The following CR1L variants were observed in gnomAD, a reference collection of about 807,000 sequenced individuals.
The protein encoded by CR1L is complement C3b/C4b receptor 1 like.
A neutral mutation model predicts 62.3 loss-of-function variants in CR1L; 59 were observed. That is an observed-to-expected ratio of 0.95 (90% CI 0.77 to 1.18). The LOEUF (loss-of-function observed/expected upper bound fraction) is 1.18, where lower values mean the gene tolerates loss of function less well. CR1L is among the 50% of genes most tolerant of loss of function. The pLI is 0.00. For synonymous variants in CR1L, 279 were observed against 248.7 expected (o/e 1.12, Z -1.15); for missense variants, 700 against 702.8 (o/e 1.00, Z 0.04).
At position 207,694,654 on chromosome 1, in the gene CR1L, G is replaced by C; in HGVS notation, c.765G>C (p.Glu255Asp). 1 of 1,611,892 alleles carries C rather than the reference G, an allele frequency of 6.2e-7. No homozygotes were observed. Among genetic ancestry groups the C allele is most frequent in the African/African-American group, 1.3e-5 (1 of 75,000 alleles). The change falls in exon 5 of 12, where the codon GAG becomes GAC. Residue 255 changes from glutamate (E) to aspartate (D), a missense_variant. Coordinates refer to ENST00000508064, the MANE Select transcript of CR1L (RefSeq NM_175710.2). ...RSLFSLNEVV[E>D]FRCQPGFGMK... is the part of the protein sequence containing the mutation. ...TATTTTCCTTAAATGAAGTTGTGGA[G>C]TTTAGGTGTCAGCCTGGCTTTGGCA...
chr1:207,697,082 T>C (rs1664110746), intron 5 of CR1L, among the ~76,000 whole-genome samples: 1 of 152,166 alleles, frequency 6.6e-6, no homozygotes, highest in Non-Finnish European at 1.5e-5. Flanking sequence ...AGATGAGACA[T>C]GGGCAGGGGC....
intron 11 of CR1L, among the ~76,000 whole-genome samples, chr1:207,719,604 A>G (rs1482883333): frequency 6.6e-6 from 1 of 152,036 alleles, no homozygotes; most frequent in Non-Finnish European, 1.5e-5. Context: ...GCCTGTAGTC[A>G]CAGCTTCTTG....
intron 10 of CR1L, chr1:207,710,777 C>T: frequency 6.2e-7 from 1 of 1,601,066 alleles, no homozygotes; most frequent in Non-Finnish European, 8.5e-7. Flanking sequence ...TACCAAGCTG[C>T]TCCAGGGGTG....
chr1:207,708,474 T>G (rs1350506732), intron 10 of CR1L, among the ~76,000 whole-genome samples: 1 of 152,272 alleles, frequency 6.6e-6, no homozygotes, highest in East Asian at 1.9e-4. Context: ...GTAATTTATT[T>G]TAAACTAGTC....
At chr1:207,650,446 T>A (rs1558009238) in intron 1 of CR1L, among the ~76,000 whole-genome samples, 1 of 152,196 alleles carries the variant, frequency 6.6e-6, no homozygotes, top group Non-Finnish European at 1.5e-5. Context: ...AGGAAGAGAC[T>A]GTTAGGAGGA....
intron 3 of CR1L, among the ~76,000 whole-genome samples, chr1:207,679,736 G>C (rs1050893271): frequency 2.0e-5 from 3 of 152,122 alleles, no homozygotes; most frequent in African/African-American, 7.2e-5. Context: ...TGTGGTACAT[G>C]CATACAATAG....
intron 3 of CR1L, among the ~76,000 whole-genome samples, chr1:207,682,960 T>TTTTCTTTCTTTATTTCTTTCTTTC (rs1663823257): frequency 7.1e-6 from 1 of 140,082 alleles, no homozygotes; most frequent in African/African-American, 2.6e-5. Flanking sequence ...TTATAAATCA[T>TTTTCTTTCTTTATTTCTTTCTTTC]TTTCTTTCTT....
Position 207,701,566 on chromosome 1 carries a change from G to A in CR1L, c.1276G>A (p.Val426Met). Residue 426 changes from valine (V) to methionine (M), a missense_variant, in exon 9 of 12, where the codon GTG becomes ATG. Val to Met is a conservative substitution (Grantham distance 21, BLOSUM62 1). Coordinates refer to ENST00000508064, the MANE Select transcript of CR1L (RefSeq NM_175710.2). Reference protein sequence around the residue: ...PPVPVNGMVHVITDIHVGSRI... With the variant: ...PPVPVNGMVHMITDIHVGSRI... ...AGTTCCAGTGAATGGCATGGTGCATGTGATCACAGACATCCATGTTGGATC... is the reference window on the plus strand; with the variant it reads ...AGTTCCAGTGAATGGCATGGTGCATATGATCACAGACATCCATGTTGGATC... 3 of 1,613,836 alleles carry A rather than the reference G, an allele frequency of 1.9e-6. No homozygotes were observed. The highest frequency in any genetic ancestry group is 1.7e-6 in the Non-Finnish European group (2 of 1,179,760).
chr1:207,660,460 AAGAAAC>A (rs1200224830), intron 1 of CR1L, among the ~76,000 whole-genome samples: 1 of 152,238 alleles, frequency 6.6e-6, no homozygotes, highest in Non-Finnish European at 1.5e-5. Context: ...AAGGAAAACA[AAGAAAC>A]AGAAAGGAAT....
chr1:207,646,921 C>T (rs992191374), intron 1 of CR1L, among the ~76,000 whole-genome samples: 32 of 152,138 alleles, frequency 2.1e-4, no homozygotes, highest in African/African-American at 7.5e-4. Flanking sequence ...CTCTTAGGAA[C>T]ATTCATTCAA....
At chr1:207,694,051 A>T (rs912317411) in intron 4 of CR1L, among the ~76,000 whole-genome samples, 8 of 152,228 alleles carry the variant, frequency 5.3e-5, no homozygotes, top group African/African-American at 1.9e-4. Context: ...AAATTAAGAA[A>T]GCAAATGAAA....
At chr1:207,652,988 A>T (rs7524058) in intron 1 of CR1L, 6,993 of 247,986 alleles carry the variant, frequency 0.028, 521 homozygotes, top group African/African-American at 0.15. Flanking sequence ...TAATATGCCC[A>T]TGCATTCAAA....
chr1:207,667,301 A>G (rs758697216), intron 1 of CR1L, among the ~76,000 whole-genome samples: 12 of 152,226 alleles, frequency 7.9e-5, no homozygotes, highest in Non-Finnish European at 1.3e-4. Flanking sequence ...GTCTTACAGG[A>G]TGAAAACCAA....
chr1:207,667,867 C>G (rs1483803033), intron 1 of CR1L, among the ~76,000 whole-genome samples: 1 of 150,994 alleles, frequency 6.6e-6, no homozygotes, highest in Non-Finnish European at 1.5e-5. Flanking sequence ...AAGACCTGAA[C>G]AGACATCACT....
chr1:207,699,321 G>A (rs1185820768), intron 8 of CR1L, 47 bp downstream of exon 8: 2 of 1,608,768 alleles, frequency 1.2e-6, no homozygotes, highest in Non-Finnish European at 1.7e-6. Flanking sequence ...CCCTTCATCT[G>A]TTCAGTATTT....
At chr1:207,713,680 G>C (rs541041125) in intron 10 of CR1L, among the ~76,000 whole-genome samples, 6 of 152,246 alleles carry the variant, frequency 3.9e-5, no homozygotes, top group Non-Finnish European at 8.8e-5. Context: ...AGCGGGCTCC[G>C]TGCAAGGCTT....
intron 1 of CR1L, among the ~76,000 whole-genome samples, chr1:207,654,847 T>C (rs1193965157): frequency 6.6e-6 from 1 of 152,212 alleles, no homozygotes; most frequent in Non-Finnish European, 1.5e-5. Context: ...CTAGGGCCTG[T>C]TCTCTCTACA....
At chr1:207,692,212 A>G (rs1017567684) in intron 4 of CR1L, among the ~76,000 whole-genome samples, 1 of 152,248 alleles carries the variant, frequency 6.6e-6, no homozygotes, top group Non-Finnish European at 1.5e-5. Context: ...ACTTGATTTA[A>G]CAATTTACAT....
intron 1 of CR1L, among the ~76,000 whole-genome samples, chr1:207,663,953 G>T (rs1663469395): frequency 6.6e-6 from 1 of 152,172 alleles, no homozygotes; most frequent in East Asian, 1.9e-4. Context: ...TTCCCTGCCT[G>T]CAGTCTTCCA....
Sources: allele counts gnomAD v4.1 joint callset (sites outside exome capture counted in the v4.1 genomes callset), GRCh38; gene constraint gnomAD v4.1.1; transcripts MANE v1.5; gene names NCBI Gene and HGNC (gene_info 2026-07-23, HGNC 2026-07-21).